MACO1: variants seen among roughly 807,000 people sequenced by gnomAD.
MACO1 encodes the protein macoilin 1.
In MACO1, 14 loss-of-function variants were observed where a neutral mutation model predicts 78.7. That is an observed-to-expected ratio of 0.18 (90% confidence interval 0.12 to 0.28). The LOEUF (loss-of-function observed/expected upper bound fraction) is 0.28, where lower values mean the gene tolerates loss of function less well. Ranked by LOEUF, MACO1 falls within the 10% of genes least tolerant of loss-of-function variation. The probability of loss-of-function intolerance (pLI) is 1.00; values close to 1 mark genes in which losing one functional copy is unlikely to be tolerated. For missense variants in MACO1, 501 were observed against 799.0 expected (o/e 0.63, Z 4.50); for synonymous variants, 288 against 291.6 (o/e 0.99, Z 0.12).
chr1:25,482,247 T>TAATAACAA (rs2043385679), intron 6 of MACO1, among the ~76,000 whole-genome samples: 2 of 152,222 alleles, frequency 1.3e-5, no homozygotes, highest in South Asian at 4.1e-4. Context: ...ATAAATATTG[T>TAATAACAA]TATTCCTAGT....
chr1:25,467,463 A>G (rs576939520), intron 6 of MACO1, among the ~76,000 whole-genome samples: 12 of 152,064 alleles, frequency 7.9e-5, no homozygotes, highest in Non-Finnish European at 1.3e-4. Context: ...TAAGGGAGAG[A>G]ATTTAACACT....
At chr1:25,496,707 A>T (rs1039302142) in intron 10 of MACO1, among the ~76,000 whole-genome samples, 6 of 152,076 alleles carry the variant, frequency 3.9e-5, no homozygotes, top group Non-Finnish European at 7.4e-5. Context: ...AATGGAAAAA[A>T]AAAAAGGGTA....
chr1:25,491,250 A>G (rs1446128709), intron 9 of MACO1, 160 bp from the exon 10 acceptor site: 1 of 364,816 alleles, frequency 2.7e-6, no homozygotes, highest in Non-Finnish European at 3.8e-6. Flanking sequence ...TTATTGCCAT[A>G]TAAACACATT....
intron 8 of MACO1, among the ~76,000 whole-genome samples, chr1:25,486,058 T>G (rs1004981699): frequency 6.6e-6 from 1 of 152,236 alleles, no homozygotes; most frequent in Non-Finnish European, 1.5e-5. Context: ...GGCAAAGTAC[T>G]GCTCATAAAA....
At chr1:25,492,682 A>G (rs949851655) in intron 10 of MACO1, among the ~76,000 whole-genome samples, 2 of 152,180 alleles carry the variant, frequency 1.3e-5, no homozygotes, top group Non-Finnish European at 2.9e-5. Context: ...GAGCACTGGA[A>G]GGCTTCTGAA....
intron 6 of MACO1, among the ~76,000 whole-genome samples, chr1:25,475,207 A>C (rs766020991): frequency 6.6e-6 from 1 of 151,950 alleles, no homozygotes; most frequent in African/African-American, 2.4e-5. Context: ...TAGCCGGGCA[A>C]GGTGGCGGGT....
Position 25,431,030 on chromosome 1 carries a change from C to G in MACO1, c.-69C>G. On this transcript the variant is annotated 5_prime_UTR_variant, in exon 1 of 11. Coordinates refer to ENST00000374343, the MANE Select transcript of MACO1 (RefSeq NM_018202.6). ...GAGTCCAGGCCCGACGCGGGGCGGG[C>G]CAGCGGCGGCGGCAGCTGAGGTGAG... The G allele has an allele frequency of 8.0e-7, 1 of 1,255,212 alleles. No homozygotes were observed. The highest frequency in any genetic ancestry group is 1.1e-6 in the Non-Finnish European group (1 of 937,426). 77.8% of individuals were successfully genotyped at this position (1,255,212 alleles called of 1,614,324 possible).
At chr1:25,480,119 T>G (rs1014711572) in intron 6 of MACO1, among the ~76,000 whole-genome samples, 1 of 152,244 alleles carries the variant, frequency 6.6e-6, no homozygotes. Context: ...CTGCCTACCT[T>G]AGTAAAGATT....
chr1:25,471,341 C>CAA (rs34002682), intron 6 of MACO1, among the ~76,000 whole-genome samples: 6 of 125,190 alleles, frequency 4.8e-5, no homozygotes, highest in East Asian at 2.1e-4. Flanking sequence ...TCTGTCTCAA[C>CAA]AAAAAAAAAA....
intron 6 of MACO1, among the ~76,000 whole-genome samples, chr1:25,474,301 A>G (rs1490760444): frequency 6.6e-6 from 1 of 152,176 alleles, no homozygotes; most frequent in African/African-American, 2.4e-5. Flanking sequence ...TTTATGGGCT[A>G]TATTGGCTCA....
intron 1 of MACO1, among the ~76,000 whole-genome samples, chr1:25,438,763 C>T (rs1056716915): frequency 1.3e-5 from 2 of 152,072 alleles, no homozygotes; most frequent in African/African-American, 4.8e-5. Context: ...ATTAGCTGGG[C>T]GTGGTAGCAT....
intron 1 of MACO1, among the ~76,000 whole-genome samples, chr1:25,444,882 C>T (rs2043002213): frequency 6.6e-6 from 1 of 151,996 alleles, no homozygotes; most frequent in South Asian, 2.1e-4. Context: ...CTCGTTTGTT[C>T]TTTGTAATAA....
chr1:25,454,438 ATGTGTGTGTG>A (rs71589767), intron 4 of MACO1, 56 bp downstream of exon 4: 76 of 258,848 alleles, frequency 2.9e-4, no homozygotes, highest in African/African-American at 2.0e-3. Flanking sequence ...ATGTATATAT[ATGTGTGTGTG>A]TGTGTGTGTG....
At chr1:25,457,295 A>G (rs2043130124) in intron 5 of MACO1, among the ~76,000 whole-genome samples, 1 of 151,822 alleles carries the variant, frequency 6.6e-6, no homozygotes, top group African/African-American at 2.4e-5. Context: ...ATTTTTTTGT[A>G]GAGATGAGGT....
chr1:25,478,905 T>C (rs148685745), intron 6 of MACO1, among the ~76,000 whole-genome samples: 10 of 152,368 alleles, frequency 6.6e-5, no homozygotes, highest in African/African-American at 2.4e-4. Context: ...ATTTATTTCC[T>C]GACTAAGCCT....
At chr1:25,444,981 G>A (rs2043003085) in intron 1 of MACO1, among the ~76,000 whole-genome samples, 1 of 151,826 alleles carries the variant, frequency 6.6e-6, no homozygotes, top group South Asian at 2.1e-4. Context: ...CAGAACTCTA[G>A]TGAAATGAAA....
intron 1 of MACO1, among the ~76,000 whole-genome samples, chr1:25,431,549 C>T (rs1175223748): frequency 6.6e-6 from 1 of 151,570 alleles, no homozygotes; most frequent in African/African-American, 2.4e-5. Flanking sequence ...TCTGACTGGC[C>T]GCCGCTGGCC....
At chr1:25,469,706 G>A (rs1005629655) in intron 6 of MACO1, among the ~76,000 whole-genome samples, 15 of 145,618 alleles carry the variant, frequency 1.0e-4, no homozygotes, top group African/African-American at 3.1e-4. Flanking sequence ...GTCCGATCTC[G>A]GCTCACTGCA....
chr1:25,474,948 G>A (rs569615185), intron 6 of MACO1, among the ~76,000 whole-genome samples: 82 of 152,208 alleles, frequency 5.4e-4, no homozygotes, highest in Non-Finnish European at 1.0e-3. Context: ...AAAGAGAGCA[G>A]GACAAACAGG....
Sources: allele counts gnomAD v4.1 joint callset (sites outside exome capture counted in the v4.1 genomes callset), GRCh38; gene constraint gnomAD v4.1.1; transcripts MANE v1.5; gene names NCBI Gene and HGNC (gene_info 2026-07-23, HGNC 2026-07-21).